Variants in ABR observed in about 807,000 individuals in gnomAD.
ABR encodes the protein ABR activator of RhoGEF and GTPase.
Under a neutral mutation model 107.2 loss-of-function variants are expected in ABR, and 35 were observed. The ratio of observed to expected loss-of-function variants is 0.33; its 90% confidence interval spans 0.25 to 0.43. The LOEUF (loss-of-function observed/expected upper bound fraction) is 0.43, where lower values mean the gene tolerates loss of function less well. Ranked by LOEUF, ABR falls within the 20% of genes least tolerant of loss-of-function variation. The pLI is 1.00. For missense variants in ABR, 815 were observed against 1,115.2 expected (o/e 0.73, Z 3.83); for synonymous variants, 498 against 462.0 (o/e 1.08, Z -1.00).
rs1019667216 is a variant in ABR, at chr17:1,037,602, C to T, written c.1791+12448G>A. 2.4e-4 allele frequency among the ~76,000 whole-genome samples: 37 copies of T among 152,192 alleles called. No individual in the cohort carries two copies. The highest frequency in any genetic ancestry group is 7.5e-4 in the African/African-American group (31 of 41,446). ...TCACCCAGGGACAGAGTGGGCAGGG[C>T]GTGGCCCCTCAGTATGCTGTCCCTA... On this transcript the variant is annotated intron_variant, in intron 16 of 22. Coordinates refer to ENST00000302538, the MANE Select transcript of ABR (RefSeq NM_021962.5). This position sits in a 1 kb window ranked among gnomAD's most constrained non-coding sequence, Gnocchi z 4.6.
rs79125975 is a variant in ABR, at chr17:1,148,240, A to G, written c.62-22873T>C. ...TGGATACACAAAACGCGGCCTTTACATAAAACGGATATTATTCGGCTTATA... is the reference window on the plus strand; with the variant it reads ...TGGATACACAAAACGCGGCCTTTACGTAAAACGGATATTATTCGGCTTATA... On this transcript the variant is annotated intron_variant, in intron 1 of 22. Transcript: ENST00000302538. The surrounding 1 kb of genome is among the most constrained non-coding windows in gnomAD (Gnocchi z 4.9). Among the ~76,000 whole-genome samples, 6,134 of 152,352 alleles carry G rather than the reference A, an allele frequency of 0.04. 158 individuals are homozygous for G. The highest frequency in any genetic ancestry group is 0.071 in the Middle Eastern group (21 of 294).
chr17:1,175,308 A>G (rs2041879610), intron 1 of ABR, among the ~76,000 whole-genome samples: 1 of 152,140 alleles, frequency 6.6e-6, no homozygotes, highest in Non-Finnish European at 1.5e-5. Context: ...GCTACTCAGG[A>G]GGCTGAGGCA....
intron 1 of ABR, among the ~76,000 whole-genome samples, chr17:1,138,482 T>C (rs2440768): frequency 0.17 from 25,143 of 152,050 alleles, 2,405 homozygotes; most frequent in African/African-American, 0.27. Context: ...GATTTTTGTT[T>C]TTTGTTTTTT....
chr17:1,138,775 G>A lies in ABR; in HGVS notation c.62-13408C>T, dbSNP rs555920449. 3.0e-4 allele frequency among the ~76,000 whole-genome samples: 46 copies of A among 152,314 alleles called. No homozygotes were observed. In the East Asian group the frequency reaches 8.9e-3, roughly 29 times the overall value. ...TTATAGGCATGAGCCACCACACTCT[G>A]CCTGAAAAACTTCTTAAAAATTTAA... On this transcript the variant is annotated intron_variant, in intron 1 of 22. Coordinates refer to ENST00000302538, the MANE Select transcript of ABR (RefSeq NM_021962.5).
chr17:1,155,193 G>A (rs533907704), intron 1 of ABR, among the ~76,000 whole-genome samples: 5 of 152,186 alleles, frequency 3.3e-5, no homozygotes, highest in Non-Finnish European at 7.4e-5. Context: ...TGTCAGGCTG[G>A]GGGCATCTTT....
chr17:1,028,636 C>T (rs2072440077), intron 16 of ABR, among the ~76,000 whole-genome samples: 1 of 152,230 alleles, frequency 6.6e-6, no homozygotes, highest in Non-Finnish European at 1.5e-5. Context: ...CCGTGGGGGT[C>T]AGCAGTGCCG....
At chr17:1,212,346 G>A (rs1036751940) in intron 1 of ABR, among the ~76,000 whole-genome samples, 2 of 152,030 alleles carry the variant, frequency 1.3e-5, no homozygotes, top group East Asian at 1.9e-4. Flanking sequence ...TGGGAGGCTC[G>A]CTTGAGCACA....
At chr17:1,152,748 G>A (rs534911574) in intron 1 of ABR, among the ~76,000 whole-genome samples, 45 of 152,152 alleles carry the variant, frequency 3.0e-4, no homozygotes, top group Non-Finnish European at 4.9e-4. Context: ...TTGGCCAAGC[G>A]CTCTGTTATC....
chr17:1,025,815 A>G (rs77534174), intron 16 of ABR, among the ~76,000 whole-genome samples: 2,369 of 152,078 alleles, frequency 0.016, 60 homozygotes, highest in East Asian at 0.12. Context: ...TCCTGCAGAC[A>G]GGGTCTCGTC....
At chr17:1,173,237 C>T (rs1406398668) in intron 1 of ABR, among the ~76,000 whole-genome samples, 189 of 108,928 alleles carry the variant, frequency 1.7e-3, no homozygotes, top group South Asian at 2.4e-3. Flanking sequence ...ATCACCTCAG[C>T]CCACCCAACA....
chr17:1,094,892 G>A (rs1057136021), intron 3 of ABR, among the ~76,000 whole-genome samples: 4 of 152,098 alleles, frequency 2.6e-5, no homozygotes, highest in Admixed American at 1.3e-4. Context: ...AGAAGGCACC[G>A]GGAGGCAGGA....
chr17:1,050,783 G>A lies in ABR; in HGVS notation c.1562-149C>T, dbSNP rs1409008588. ...TGGCTCTCTCCTCCCTGAAGCCCGG[G>A]ACCATCTGGCTTCTCCCCTGCCCCC... On this transcript the variant is annotated intron_variant, in intron 14 of 22. Transcript: ENST00000302538. This position sits in a 1 kb window ranked among gnomAD's most constrained non-coding sequence, Gnocchi z 4.6. 5.9e-6 allele frequency: 4 copies of A among 682,454 alleles called. No homozygotes were observed. Among genetic ancestry groups the A allele is most frequent in the African/African-American group, 3.5e-5 (2 of 56,906 alleles). The allele number at this position is 682,454 out of a possible 1,614,324, so 42.3% of individuals were successfully genotyped here.
intron 2 of ABR, 99 bp from the exon 3 acceptor site, chr17:1,100,834 T>G: frequency 8.4e-7 from 1 of 1,196,190 alleles, no homozygotes; most frequent in Non-Finnish European, 1.2e-6. Flanking sequence ...GACCTTTATT[T>G]TTTTTTTGAG....
At chr17:1,177,155 C>T (rs2041945284) in intron 1 of ABR, among the ~76,000 whole-genome samples, 1 of 152,192 alleles carries the variant, frequency 6.6e-6, no homozygotes, top group Admixed American at 6.5e-5. Flanking sequence ...AGCAGAGGAA[C>T]TTCCTCTGGG....
intron 1 of ABR, among the ~76,000 whole-genome samples, chr17:1,153,423 C>A (rs1371985434): frequency 6.7e-6 from 1 of 148,322 alleles, no homozygotes; most frequent in East Asian, 2.1e-4. Context: ...GGGGTCCAGG[C>A]ACACCTGCGG....
In ABR at chr17:1,179,565, C is replaced by T; in HGVS notation, c.61+102G>A. ...CCGGACCAGCCCGGTGCCTGGGTCC[C>T]GATCCCGATCTTGGGGTCCCGATCC... On this transcript the variant is annotated intron_variant, in intron 1 of 22. Coordinates refer to ENST00000302538, the MANE Select transcript of ABR (RefSeq NM_021962.5). This position sits in a 1 kb window ranked among gnomAD's most constrained non-coding sequence, Gnocchi z 4.9. 2 of 1,257,622 alleles carry T rather than the reference C, an allele frequency of 1.6e-6. No homozygotes were observed. Among genetic ancestry groups the T allele is most frequent in the East Asian group, 3.1e-5 (1 of 31,754 alleles). 77.9% of individuals were successfully genotyped at this position (1,257,622 alleles called of 1,614,324 possible).
intron 1 of ABR, among the ~76,000 whole-genome samples, chr17:1,173,850 G>T (rs939722167): frequency 6.6e-6 from 1 of 152,196 alleles, no homozygotes; most frequent in African/African-American, 2.4e-5. Context: ...TCCTGTGCCG[G>T]CCTCTCCCAG....
At position 1,041,975 on chromosome 17, in the gene ABR, G is replaced by C. The variant is rs555627858; in HGVS notation, c.1791+8075C>G. 2.9e-4 allele frequency among the ~76,000 whole-genome samples: 44 copies of C among 152,264 alleles called. No individual in the cohort carries two copies. In the South Asian group the frequency reaches 4.6e-3, roughly 16 times the overall value. Reference sequence around the variant, plus strand: ...GCCCAACTGTGTGCTTCAACTACAGGAGACTAATAGTGACCAGTCATGCCC... The same window carrying C: ...GCCCAACTGTGTGCTTCAACTACAGCAGACTAATAGTGACCAGTCATGCCC... On this transcript the variant is annotated intron_variant, in intron 16 of 22. Transcript: ENST00000302538.
chr17:1,204,042 A>G (rs2042740123), intron 1 of ABR, among the ~76,000 whole-genome samples: 2 of 152,224 alleles, frequency 1.3e-5, no homozygotes, highest in South Asian at 2.1e-4. Context: ...GGGCCAGCCC[A>G]GTCCACTCCT....
Sources: gnomAD v4.1 joint callset for allele counts (sites outside exome capture counted in the v4.1 genomes callset) on GRCh38, gnomAD v4.1.1 for gene constraint, Gnocchi (gnomAD v3.1) non-coding constraint, MANE v1.5 for transcripts, NCBI Gene and HGNC (gene_info 2026-07-23, HGNC 2026-07-21) for gene names.